Variants in DMD observed in about 807,000 individuals in gnomAD.
DMD encodes dystrophin, also known as mutant dystrophin.
Under a neutral mutation model 330.1 loss-of-function variants are expected in DMD, and 63 were observed. The ratio of observed to expected loss-of-function variants is 0.19; its 90% CI spans 0.16 to 0.24. The LOEUF (loss-of-function observed/expected upper bound fraction) is 0.24. Among genes scored for constraint, DMD ranks in the 10% least tolerant of loss-of-function variants. The pLI is 1.00. For missense variants in DMD, 3,344 were observed against 2,684.1 expected (o/e 1.25, Z -5.43); for synonymous variants, 1,223 against 959.8 (o/e 1.27, Z -5.07).
chrX:32,054,300 G>GTC (rs3072978), intron 44 of DMD, among the ~76,000 whole-genome samples: 20,104 of 103,367 alleles, frequency 0.19, 2,030 homozygotes, highest in East Asian at 0.39. Context: ...CCATTAACTG[G>GTC]TCATTTAGCA....
rs190973590 is a variant in DMD at position 31,659,430 on chromosome X, G to A, written c.7873-1286C>T. On this transcript the variant is annotated intron_variant, in intron 53 of 78. Coordinates refer to ENST00000357033, the MANE Select transcript of DMD (RefSeq NM_004006.3). ...CCAAGGCGGGTGGATCACGAGGTCA[G>A]GAGTTCAAGACCAGTCTGGCCAAGA... Among the ~76,000 whole-genome samples, 662 of 109,896 alleles carry A rather than the reference G, an allele frequency of 6.0e-3. 4 individuals carry two copies. The highest frequency in any genetic ancestry group is 6.9e-3 in the Non-Finnish European group (366 of 52,673).
intron 63 of DMD, among the ~76,000 whole-genome samples, chrX:31,248,129 G>A (rs2049005121): frequency 1.8e-5 from 2 of 112,345 alleles, no homozygotes; most frequent in South Asian, 3.7e-4. Context: ...TAACAATAAA[G>A]TATTTTAAAT....
chrX:32,913,129 T>C (rs1012406223), intron 2 of DMD, among the ~76,000 whole-genome samples: 4 of 111,510 alleles, frequency 3.6e-5, no homozygotes, highest in Non-Finnish European at 7.5e-5. Flanking sequence ...AGGGAGGAGA[T>C]GGGATAGCTT....
At chrX:33,181,980 G>A (rs997431337) in intron 1 of DMD, among the ~76,000 whole-genome samples, 1 of 111,636 alleles carries the variant, frequency 9.0e-6, no homozygotes, top group East Asian at 2.8e-4. Context: ...ACCTTTATAT[G>A]AACCAGAAAT....
At chrX:32,607,908 A>T (rs1289373903) in intron 12 of DMD, among the ~76,000 whole-genome samples, 4 of 110,376 alleles carry the variant, frequency 3.6e-5, no homozygotes, top group Non-Finnish European at 7.7e-5. Flanking sequence ...AGTAAATTAG[A>T]AATAGGGTAC....
At chrX:31,182,322 A>G (rs2041241570) in intron 68 of DMD, among the ~76,000 whole-genome samples, 1 of 112,571 alleles carries the variant, frequency 8.9e-6, no homozygotes, top group South Asian at 3.7e-4. Context: ...GGTTCCTCCC[A>G]GAATAGAATC....
chrX:32,443,128 A>T (rs1033784995), intron 27 of DMD, among the ~76,000 whole-genome samples: 3 of 110,954 alleles, frequency 2.7e-5, no homozygotes, highest in African/African-American at 9.8e-5. Flanking sequence ...ACAATGCAGC[A>T]ATCATCACCA....
At chrX:32,031,756 T>A (rs1292297447) in intron 44 of DMD, among the ~76,000 whole-genome samples, 1 of 111,937 alleles carries the variant, frequency 8.9e-6, no homozygotes, top group Admixed American at 9.5e-5. Flanking sequence ...AATATGCCAT[T>A]AATATTTCAT....
Position 32,472,222 on chromosome X carries a change from A to G in DMD, c.2891T>C (p.Ile964Thr), listed in dbSNP as rs2040721642. The G allele has an allele frequency of 8.3e-7, 1 of 1,209,230 alleles. No individual in the cohort carries two copies. The highest frequency in any genetic ancestry group is 1.8e-5 in the African/African-American group (1 of 57,055). Residue 964 changes from isoleucine to threonine, a missense_variant, in exon 22 of 79, where the codon ATA becomes ACA. Ile to Thr is a moderately conservative substitution (Grantham distance 89). Coordinates refer to ENST00000357033, the MANE Select transcript of DMD (RefSeq NM_004006.3). ...WVQQSETKLS[I>T]PQLSVTDYEI... ...ATAGTCGGTGACACTAAGTTGAGGT[A>G]TGGAGAGTTTGGTTTCTGACTGCTG...
intron 1 of DMD, among the ~76,000 whole-genome samples, chrX:33,130,303 C>G (rs922947489): frequency 9.0e-6 from 1 of 111,730 alleles, no homozygotes. Flanking sequence ...CCACAATGCA[C>G]CTTCAAGGAC....
intron 1 of DMD, among the ~76,000 whole-genome samples, chrX:33,109,410 T>A (rs1228895334): frequency 1.8e-5 from 2 of 112,190 alleles, no homozygotes; most frequent in Non-Finnish European, 3.8e-5. Context: ...TTGTTTCTTC[T>A]GCTTCTTTAA....
At chrX:31,480,554 T>TTGTGTGTGTGTG (rs60621342) in intron 57 of DMD, among the ~76,000 whole-genome samples, 3 of 91,336 alleles carry the variant, frequency 3.3e-5, no homozygotes, top group African/African-American at 8.0e-5. Flanking sequence ...ATCTCCATGT[T>TTGTGTGTGTGTG]TGTGTGTGTG....
chrX:32,054,125 GAGAGAGAGAGAA>G (rs2096142808), intron 44 of DMD, among the ~76,000 whole-genome samples: 1 of 99,169 alleles, frequency 1.0e-5, no homozygotes, highest in Non-Finnish European at 2.0e-5. Flanking sequence ...GAGAGAGAGA[GAGAGAGAGAGAA>G]GAGGACTGAG....
At chrX:33,242,899 A>G (rs922567581) in intron 1 of DMD, among the ~76,000 whole-genome samples, 1 of 111,956 alleles carries the variant, frequency 8.9e-6, no homozygotes, top group Non-Finnish European at 1.9e-5. Context: ...GATCTTCTTT[A>G]GGGAATTGTC....
chrX:32,828,400 CT>C (rs1199510711), intron 4 of DMD, among the ~76,000 whole-genome samples: 1 of 109,892 alleles, frequency 9.1e-6, no homozygotes, highest in African/African-American at 3.3e-5. Context: ...GATGCTTCTA[CT>C]GTTATTATAA....
intron 9 of DMD, among the ~76,000 whole-genome samples, chrX:32,678,309 T>C (rs1025075620): frequency 8.9e-6 from 1 of 112,447 alleles, no homozygotes; most frequent in East Asian, 2.8e-4. Flanking sequence ...CAGATGATGA[T>C]GCCCTATGGT....
At chrX:32,671,161 T>C (rs1419494547) in intron 9 of DMD, among the ~76,000 whole-genome samples, 4 of 111,146 alleles carry the variant, frequency 3.6e-5, no homozygotes, top group Non-Finnish European at 7.6e-5. Flanking sequence ...AAGATAATTA[T>C]ACATATATCT....
chrX:33,241,559 T>TA, intron 1 of DMD, among the ~76,000 whole-genome samples: 1 of 112,113 alleles, frequency 8.9e-6, no homozygotes, highest in Non-Finnish European at 1.9e-5. Context: ...CCAATTTCTG[T>TA]AAAAAATGTC....
chrX:32,654,350 T>G, intron 9 of DMD, among the ~76,000 whole-genome samples: 1 of 111,903 alleles, frequency 8.9e-6, no homozygotes, highest in Non-Finnish European at 1.9e-5. Flanking sequence ...ATTGAGAGTT[T>G]TTAGCATGAA....
Sources: gnomAD v4.1 joint callset for allele counts (sites outside exome capture counted in the v4.1 genomes callset) on GRCh38, gnomAD v4.1.1 for gene constraint, MANE v1.5 for transcripts, NCBI Gene and HGNC (gene_info 2026-07-23, HGNC 2026-07-21) for gene names.